GRIN2B: variants seen among roughly 807,000 people sequenced by gnomAD.
The protein encoded by GRIN2B is glutamate ionotropic receptor NMDA type subunit 2B.
GRIN2B carries 5 observed loss-of-function variants against 114.5 expected under a neutral mutation model. The observed-to-expected ratio is 0.04, with a 90% CI of 0.02 to 0.09. The LOEUF (loss-of-function observed/expected upper bound fraction) is 0.09. Ranked by LOEUF, GRIN2B falls within the 10% of genes least tolerant of loss-of-function variation. GRIN2B has a pLI of 1.00. For missense variants in GRIN2B, 1,108 were observed against 1,943.5 expected (o/e 0.57, Z 8.08); for synonymous variants, 787 against 745.1 (o/e 1.06, Z -0.92).
chr12:13,930,837 C>CA (rs1026325700), intron 2 of GRIN2B, among the ~76,000 whole-genome samples: 314 of 150,682 alleles, frequency 2.1e-3, no homozygotes, highest in Admixed American at 4.3e-3. Flanking sequence ...AGCCCCCCAA[C>CA]AAAAAAAAAC....
chr12:13,693,791 TG>T (rs1481904854), intron 4 of GRIN2B, among the ~76,000 whole-genome samples: 3 of 152,138 alleles, frequency 2.0e-5, no homozygotes, highest in Non-Finnish European at 2.9e-5. Context: ...TGCCAAGCAG[TG>T]GTGAGGAACC....
At chr12:13,917,427 C>T (rs1866753143) in intron 2 of GRIN2B, among the ~76,000 whole-genome samples, 1 of 151,954 alleles carries the variant, frequency 6.6e-6, no homozygotes, top group Admixed American at 6.6e-5. Flanking sequence ...GGCTGTATTG[C>T]GAAGTGCTGT....
At chr12:13,914,463 C>G (rs117355838) in intron 2 of GRIN2B, among the ~76,000 whole-genome samples, 5 of 152,160 alleles carry the variant, frequency 3.3e-5, no homozygotes, top group African/African-American at 1.2e-4. Flanking sequence ...CCCTCACACA[C>G]TGTGGGTGAG....
At chr12:13,929,639 C>A (rs1866985692) in intron 2 of GRIN2B, among the ~76,000 whole-genome samples, 1 of 152,222 alleles carries the variant, frequency 6.6e-6, no homozygotes, top group Non-Finnish European at 1.5e-5. Flanking sequence ...ATCCTGTCAC[C>A]TGTGAACAAC....
At chr12:13,644,362 AG>A (rs1418253845) in intron 5 of GRIN2B, among the ~76,000 whole-genome samples, 1 of 152,178 alleles carries the variant, frequency 6.6e-6, no homozygotes, top group African/African-American at 2.4e-5. Flanking sequence ...AGGTCTCAAT[AG>A]TGGGCTTAAA....
At chr12:13,646,257 T>A (rs1459488624) in intron 5 of GRIN2B, among the ~76,000 whole-genome samples, 1 of 152,180 alleles carries the variant, frequency 6.6e-6, no homozygotes, top group Non-Finnish European at 1.5e-5. Context: ...AAGCTTTTCT[T>A]TTATTACCCA....
chr12:13,925,936 C>T (rs1025851443), intron 2 of GRIN2B, among the ~76,000 whole-genome samples: 6 of 152,160 alleles, frequency 3.9e-5, no homozygotes, highest in Admixed American at 6.5e-5. Flanking sequence ...TATTTTCCTC[C>T]GTTCAATTTG....
At chr12:13,763,904 A>G (rs1259660011) in intron 3 of GRIN2B, among the ~76,000 whole-genome samples, 4 of 152,208 alleles carry the variant, frequency 2.6e-5, no homozygotes, top group African/African-American at 9.7e-5. Context: ...GAATTATTCA[A>G]CTTTTTCTTT....
chr12:13,589,664 C>T (rs1948979429), intron 10 of GRIN2B, among the ~76,000 whole-genome samples: 1 of 152,178 alleles, frequency 6.6e-6, no homozygotes, highest in African/African-American at 2.4e-5. Context: ...ACTTGTATCC[C>T]TCATTTAGAG....
intron 10 of GRIN2B, among the ~76,000 whole-genome samples, chr12:13,586,305 T>A (rs1348486386): frequency 6.6e-6 from 1 of 152,268 alleles, no homozygotes; most frequent in Non-Finnish European, 1.5e-5. Context: ...CTGTCATTAC[T>A]TTTAATAATT....
intron 3 of GRIN2B, among the ~76,000 whole-genome samples, chr12:13,817,325 C>T (rs1311063401): frequency 1.4e-5 from 2 of 146,226 alleles, no homozygotes; most frequent in East Asian, 1.9e-4. Flanking sequence ...GCTGGAGCAA[C>T]GCCCACTGAC....
At chr12:13,944,107 A>G (rs1223308050) in intron 2 of GRIN2B, among the ~76,000 whole-genome samples, 1 of 152,196 alleles carries the variant, frequency 6.6e-6, no homozygotes, top group Non-Finnish European at 1.5e-5. Context: ...GGATGGGCCT[A>G]TTCATTACCC....
intron 5 of GRIN2B, among the ~76,000 whole-genome samples, chr12:13,667,584 T>C (rs1949989862): frequency 6.6e-6 from 1 of 152,178 alleles, no homozygotes; most frequent in East Asian, 1.9e-4. Context: ...AGGGAACCAG[T>C]TTGAAGAAGC....
chr12:13,704,389 A>G (rs1482319902), intron 4 of GRIN2B, among the ~76,000 whole-genome samples: 1 of 152,186 alleles, frequency 6.6e-6, no homozygotes, highest in African/African-American at 2.4e-5. Context: ...TGAATGGCCA[A>G]TCCTTGAACA....
Position 13,692,390 on chromosome 12 carries a change from C to A in GRIN2B, c.1011-16531G>T, listed in dbSNP as rs569508049. 2.0e-4 allele frequency among the ~76,000 whole-genome samples: 30 copies of A among 152,140 alleles called. No individual in the cohort carries two copies. The South Asian group carries it at 2.3e-3, about 12-fold the overall frequency. ...GGTGCTCAGAATACATACAGCAGGT[C>A]CTCAAATGACATATTTTTGTTCAAT... On this transcript the variant is annotated intron_variant, in intron 4 of 13. Transcript: ENST00000609686.
chr12:13,556,677 A>T lies in GRIN2B; in HGVS notation c.*6106T>A, dbSNP rs1027793890. ...CTTAATTCTTGCACTGAGTTCTTTC[A>T]CCTTCTCCAAAACACAGATTCTACA... On this transcript the variant is annotated 3_prime_UTR_variant, in exon 14 of 14. Transcript: ENST00000609686. The T allele has an allele frequency of 5.3e-5, 8 of 152,000 alleles. No homozygotes were observed. The highest frequency in any genetic ancestry group is 1.2e-4 in the Non-Finnish European group (8 of 67,982). The allele number at this position is 152,000 out of a possible 1,614,324, so 9.4% of individuals were successfully genotyped here. A position where few individuals can be genotyped will look rare whatever the true frequency, so the allele number is the denominator to read the frequency against.
chr12:13,933,686 C>T (rs1026121304), intron 2 of GRIN2B, among the ~76,000 whole-genome samples: 1 of 152,066 alleles, frequency 6.6e-6, no homozygotes, highest in Admixed American at 6.5e-5. Context: ...GAAAGGAAAC[C>T]AGGAAAGTAA....
At chr12:13,958,224 A>G (rs1179916858) in intron 2 of GRIN2B, among the ~76,000 whole-genome samples, 1 of 152,210 alleles carries the variant, frequency 6.6e-6, no homozygotes, top group African/African-American at 2.4e-5. Flanking sequence ...ATGGCAACAC[A>G]ATCTGTAAAA....
At chr12:13,733,073 T>C (rs1311375729) in intron 4 of GRIN2B, among the ~76,000 whole-genome samples, 1 of 152,048 alleles carries the variant, frequency 6.6e-6, no homozygotes, top group Non-Finnish European at 1.5e-5. Flanking sequence ...TTGGGATACA[T>C]GATTAAAGGA....
Sources: allele counts gnomAD v4.1 joint callset (sites outside exome capture counted in the v4.1 genomes callset), GRCh38; gene constraint gnomAD v4.1.1; transcripts MANE v1.5; gene names NCBI Gene and HGNC (gene_info 2026-07-23, HGNC 2026-07-21).